COX7A2L: variants seen among roughly 807,000 people sequenced by gnomAD.
The protein encoded by COX7A2L is cytochrome c oxidase subunit 7A2 like, also known as cytochrome c oxidase subunit 7A2-like, mitochondrial.
A neutral mutation model predicts 14.2 loss-of-function variants in COX7A2L; 18 were observed. That is an observed-to-expected ratio of 1.27 (90% confidence interval 0.88 to 1.88). The LOEUF (loss-of-function observed/expected upper bound fraction) is 1.88. COX7A2L is among the 40% of genes most tolerant of loss of function. COX7A2L has a pLI of 0.00. For missense variants in COX7A2L, 179 were observed against 138.8 expected, an observed-to-expected ratio of 1.29 and a Z score of -1.46; for synonymous variants, 65 against 57.4, an observed-to-expected ratio of 1.13 and a Z score of -0.60.
In COX7A2L at chr2:42,339,620, CTTA is replaced by C. The variant is rs1365068354; in HGVS notation, c.193-5754_193-5752del. On this transcript the variant is annotated intron_variant, in intron 2 of 2. Coordinates refer to the COX7A2L transcript ENST00000468711. The surrounding 1 kb of genome is among the most constrained non-coding windows in gnomAD (Gnocchi z 5.4). ...CCCTCCTGCCTTGCTTTCCTCCTTTCTTATTTTTAACACTTTTTAAATTTATTA... is the reference window on the plus strand; with the variant it reads ...CCCTCCTGCCTTGCTTTCCTCCTTTCTTTTTAACACTTTTTAAATTTATTA... Among the ~76,000 whole-genome samples the C allele has an allele frequency of 1.3e-5, 2 of 152,046 alleles. No homozygotes were observed. Among genetic ancestry groups the C allele is most frequent in the Non-Finnish European group, 2.9e-5 (2 of 68,024 alleles).
chr2:42,344,661 G>C (rs1196447318), downstream of COX7A2L, among the ~76,000 whole-genome samples: 8 of 151,916 alleles, frequency 5.3e-5, no homozygotes, highest in Non-Finnish European at 1.0e-4. Flanking sequence ...GACCATCCTG[G>C]CTAAGGCAAT....
rs1356583677 is a variant in COX7A2L at position 42,338,811 on chromosome 2, A to C, written c.193-4942T>G. ...TTTTCCAGTGAGTGGAGGTGGGTTT[A>C]GGTGTTATCTGTGCGGCAGAGGTAC... On this transcript the variant is annotated intron_variant, in intron 2 of 2. Coordinates refer to the COX7A2L transcript ENST00000468711. The surrounding 1 kb of genome is among the most constrained non-coding windows in gnomAD (Gnocchi z 4.4). Among the ~76,000 whole-genome samples, 2 of 152,216 alleles carry C rather than the reference A, an allele frequency of 1.3e-5. No individual in the cohort carries two copies. Among genetic ancestry groups the C allele is most frequent in the Non-Finnish European group, 2.9e-5 (2 of 68,030 alleles).
intron 1 of COX7A2L, among the ~76,000 whole-genome samples, chr2:42,367,485 GA>G: frequency 6.7e-6 from 1 of 150,302 alleles, no homozygotes; most frequent in East Asian, 1.9e-4. Context: ...AACCTATAAA[GA>G]AAAAAAAAGC....
intron 1 of COX7A2L, among the ~76,000 whole-genome samples, chr2:42,358,301 G>A (rs1412366060): frequency 6.6e-6 from 1 of 152,208 alleles, no homozygotes; most frequent in Non-Finnish European, 1.5e-5. Context: ...TCAGAGAAAG[G>A]TAAGGAAGAT....
chr2:42,351,026 C>T lies in COX7A2L; in HGVS notation c.*193G>A. 1.8e-6 allele frequency: 1 copy of T among 558,430 alleles called. No individual in the cohort carries two copies. Among genetic ancestry groups the T allele is most frequent in the Non-Finnish European group, 3.0e-6 (1 of 331,306 alleles). The allele number at this position is 558,430 out of a possible 1,614,324, so 34.6% of individuals were successfully genotyped here. ...AAAGCACCATTTCTTTAAACAATGGCTTTAACTGTCGAATGAGCTCTGACA... is the reference window on the plus strand; with the variant it reads ...AAAGCACCATTTCTTTAAACAATGGTTTTAACTGTCGAATGAGCTCTGACA... On this transcript the variant is annotated 3_prime_UTR_variant, in exon 3 of 3. Coordinates refer to ENST00000234301, the MANE Select transcript of COX7A2L (RefSeq NM_004718.4).
upstream of COX7A2L, chr2:42,361,448 T>C (rs536476644): frequency 8.8e-5 from 29 of 328,440 alleles, no homozygotes; most frequent in South Asian, 1.2e-3. Context: ...CCATTCAGAT[T>C]TGGGCAGTGC....
chr2:42,349,085 A>G (rs1403528708), downstream of COX7A2L, among the ~76,000 whole-genome samples: 1 of 152,318 alleles, frequency 6.6e-6, no homozygotes, highest in South Asian at 2.1e-4. Context: ...CAGAGTTACC[A>G]TATGACCCAG....
rs1006688333 is a variant in COX7A2L, at chr2:42,361,208, C to A, written c.-47G>T. 3 of 1,540,984 alleles carry A rather than the reference C, an allele frequency of 1.9e-6. No homozygotes were observed. The African/African-American group carries it at 4.1e-5, about 21-fold the overall frequency. ...CGCATCCGCTGCCAACGCGACCGCC[C>A]CAGAGAAGGACCCCGCCTCCCCGGC... On this transcript the variant is annotated 5_prime_UTR_variant, in exon 1 of 3. Transcript: ENST00000234301.
chr2:42,335,991 C>G (rs1226215594), intron 2 of COX7A2L, among the ~76,000 whole-genome samples: 29 of 152,358 alleles, frequency 1.9e-4, no homozygotes, highest in Non-Finnish European at 1.8e-4. Context: ...CCTGCCTTCT[C>G]TGACCATGGG....
downstream of COX7A2L, among the ~76,000 whole-genome samples, chr2:42,344,340 A>T (rs1452728372): frequency 6.6e-6 from 1 of 152,156 alleles, no homozygotes; most frequent in Admixed American, 6.5e-5. Context: ...TCCCATACCT[A>T]CAACTCTGTC....
At chr2:42,344,819 C>CA (rs1670464723), downstream of COX7A2L, among the ~76,000 whole-genome samples, 2 of 151,800 alleles carry the variant, frequency 1.3e-5, no homozygotes, top group African/African-American at 4.8e-5. Flanking sequence ...CCACTGTACT[C>CA]CAGCCTGGGT....
intron 2 of COX7A2L, among the ~76,000 whole-genome samples, chr2:42,340,868 A>G (rs1184835917): frequency 1.3e-5 from 2 of 152,140 alleles, no homozygotes; most frequent in East Asian, 1.9e-4. Context: ...TGCGCAGCAC[A>G]CTGCAGAAGG....
At chr2:42,348,011 G>A (rs868611501), downstream of COX7A2L, among the ~76,000 whole-genome samples, 3 of 152,324 alleles carry the variant, frequency 2.0e-5, no homozygotes, top group Middle Eastern at 3.4e-3. Flanking sequence ...AGGTCAGCAT[G>A]GAAGCCATCT....
chr2:42,349,993 C>G lies in COX7A2L; in HGVS notation c.*1226G>C, dbSNP rs943819618. ...GGTGTATATTGTACTATGCTTAGTCCTTCTGTAGTCTGAAAATTTTCAAAA... is the reference window on the plus strand; with the variant it reads ...GGTGTATATTGTACTATGCTTAGTCGTTCTGTAGTCTGAAAATTTTCAAAA... On this transcript the variant is annotated 3_prime_UTR_variant, in exon 3 of 3. Coordinates refer to ENST00000234301, the MANE Select transcript of COX7A2L (RefSeq NM_004718.4). The G allele has an allele frequency of 6.6e-6, 1 of 151,982 alleles. No homozygotes were observed. Among genetic ancestry groups the G allele is most frequent in the Non-Finnish European group, 1.5e-5 (1 of 68,024 alleles). 9.4% of individuals were successfully genotyped at this position (151,982 alleles called of 1,614,324 possible). A position where few individuals can be genotyped will look rare whatever the true frequency, so the allele number is the denominator to read the frequency against.
At chr2:42,354,528 G>T (rs1372839751) in intron 1 of COX7A2L, among the ~76,000 whole-genome samples, 2 of 152,108 alleles carry the variant, frequency 1.3e-5, no homozygotes, top group Admixed American at 6.5e-5. Flanking sequence ...TGATCAGTCC[G>T]CTGATTCTTG....
chr2:42,358,146 A>G (rs1219148820), intron 1 of COX7A2L, among the ~76,000 whole-genome samples: 1 of 152,180 alleles, frequency 6.6e-6, no homozygotes, highest in Non-Finnish European at 1.5e-5. Flanking sequence ...CATCCTCACC[A>G]ATACTTGTTA....
At chr2:42,358,789 ACT>A (rs1402513838) in intron 1 of COX7A2L, among the ~76,000 whole-genome samples, 2 of 152,116 alleles carry the variant, frequency 1.3e-5, no homozygotes, top group African/African-American at 4.8e-5. Flanking sequence ...CGAAAAATTT[ACT>A]TTTTTCTTAC....
chr2:42,364,294 T>G (rs1206351936), upstream of COX7A2L, among the ~76,000 whole-genome samples: 6 of 142,260 alleles, frequency 4.2e-5, no homozygotes, highest in South Asian at 2.3e-4. Flanking sequence ...CTGGCAGAGA[T>G]AAAAAAACAT....
At chr2:42,356,062 C>T (rs1186195622) in intron 1 of COX7A2L, among the ~76,000 whole-genome samples, 1 of 152,066 alleles carries the variant, frequency 6.6e-6, no homozygotes, top group Non-Finnish European at 1.5e-5. Context: ...TAGGCTCTTG[C>T]TTTGTCACTC....
Sources: gnomAD v4.1 joint callset for allele counts (sites outside exome capture counted in the v4.1 genomes callset) on GRCh38, gnomAD v4.1.1 for gene constraint, Gnocchi (gnomAD v3.1) non-coding constraint, MANE v1.5 for transcripts, NCBI Gene and HGNC (gene_info 2026-07-23, HGNC 2026-07-21) for gene names.